NOP53: variants seen among roughly 807,000 people sequenced by gnomAD.
NOP53 encodes ribosome biogenesis protein NOP53.
A neutral mutation model predicts 61.0 loss-of-function variants in NOP53; 40 were observed. The observed-to-expected ratio is 0.66, with a 90% CI of 0.51 to 0.85. The LOEUF is 0.85. Ranked by LOEUF, NOP53 falls within the 40% of genes least tolerant of loss-of-function variation. The probability of loss-of-function intolerance (pLI) is 0.00; values close to 1 mark genes in which losing one functional copy is unlikely to be tolerated. For synonymous variants in NOP53, 308 were observed against 289.5 expected, an observed-to-expected ratio of 1.06 and a Z score of -0.65; for missense variants, 689 against 652.9, an observed-to-expected ratio of 1.06 and a Z score of -0.60.
At chr19:47,755,952 G>A (rs1967192261) in intron 10 of NOP53, 130 bp downstream of exon 10, 4 of 693,094 alleles carry the variant, frequency 5.8e-6, no homozygotes, top group Admixed American at 2.6e-5. Context: ...AATGCCCAGG[G>A]GCTGAGGGCA....
chr19:47,756,794 G>A (rs746434179), intron 12 of NOP53, 50 bp downstream of exon 12: 15 of 1,590,684 alleles, frequency 9.4e-6, no homozygotes, highest in Admixed American at 5.0e-5. Flanking sequence ...CTCCCACCCC[G>A]TGGTGCCCAC....
chr19:47,747,165 C>T, intron 2 of NOP53, 134 bp downstream of exon 2: 1 of 657,416 alleles, frequency 1.5e-6, no homozygotes, highest in East Asian at 3.0e-5. Flanking sequence ...TTAATATAAA[C>T]AAGGGGACCT....
In NOP53 at chr19:47,754,944, C is replaced by T. The variant is rs1967171470; in HGVS notation, c.1053+53C>T. 5.6e-6 allele frequency: 8 copies of T among 1,438,562 alleles called. No homozygotes were observed. Among genetic ancestry groups the T allele is most frequent in the Admixed American group, 2.9e-5 (1 of 34,994 alleles). The allele number at this position is 1,438,562 out of a possible 1,614,324, so 89.1% of individuals were successfully genotyped here. A position where few individuals can be genotyped will look rare whatever the true frequency, so the allele number is the denominator to read the frequency against. On this transcript the variant is annotated intron_variant, in intron 8 of 12. Transcript: ENST00000246802. This position sits in a 1 kb window ranked among gnomAD's most constrained non-coding sequence, Gnocchi z 4.2. ...CTCTGATGCCTCGCCCCCTTCCTTCCTTCCTCCCACCATGGGCTGCCCTGG... is the reference window on the plus strand; with the variant it reads ...CTCTGATGCCTCGCCCCCTTCCTTCTTTCCTCCCACCATGGGCTGCCCTGG...
At chr19:47,751,488 T>C in intron 4 of NOP53, 32 bp from the exon 5 acceptor site, 1 of 1,566,098 alleles carries the variant, frequency 6.4e-7, no homozygotes, top group Non-Finnish European at 8.8e-7. Flanking sequence ...ATGCTGGGAC[T>C]GTCCCAGCAG....
chr19:47,750,339 A>C, intron 3 of NOP53, 53 bp downstream of exon 3: 3 of 1,135,870 alleles, frequency 2.6e-6, no homozygotes, highest in Non-Finnish European at 4.0e-6. Context: ...TCTGGTCCTA[A>C]AGGGTTTCCG....
Position 47,752,504 on chromosome 19 carries a change from C to T in NOP53, c.670-8C>T, listed in dbSNP as rs1967136543. On this transcript the variant is annotated splice_region_variant and splice_polypyrimidine_tract_variant and intron_variant, in intron 5 of 12. Coordinates refer to ENST00000246802, the MANE Select transcript of NOP53 (RefSeq NM_015710.5). ...CGGCCTTACCCTGCCTCGGCCTTTT[C>T]TCCACAGCGGCCAGCACGCCTGCAC... 8 of 1,583,736 alleles carry T rather than the reference C, an allele frequency of 5.1e-6. No individual in the cohort carries two copies. The East Asian group carries it at 1.8e-4, about 35-fold the overall frequency.
At chr19:47,755,862 A>G in intron 10 of NOP53, 40 bp downstream of exon 10, 1 of 1,528,748 alleles carries the variant, frequency 6.5e-7, no homozygotes. Flanking sequence ...GTGCCCAGTG[A>G]TGACACCATC....
At position 47,752,682 on chromosome 19, in the gene NOP53, G is replaced by A. The variant is rs1967139654; in HGVS notation, c.765+75G>A. 5 of 939,320 alleles carry A rather than the reference G, an allele frequency of 5.3e-6. No individual in the cohort carries two copies. The East Asian group carries it at 7.3e-5, about 14-fold the overall frequency. 58.2% of individuals were successfully genotyped at this position (939,320 alleles called of 1,614,324 possible). A position where few individuals can be genotyped will look rare whatever the true frequency, so the allele number is the denominator to read the frequency against. Reference sequence around the variant, plus strand: ...TCAGGCCTTCACTAGCTTCCTCCCTGTGCTGGGAACTCCAATGACCCAGAC... The same window carrying A: ...TCAGGCCTTCACTAGCTTCCTCCCTATGCTGGGAACTCCAATGACCCAGAC... On this transcript the variant is annotated intron_variant, in intron 6 of 12. Transcript: ENST00000246802.
intron 3 of NOP53, 102 bp from the exon 4 acceptor site, chr19:47,750,806 G>A: frequency 1.1e-6 from 1 of 936,902 alleles, no homozygotes; most frequent in Non-Finnish European, 1.7e-6. Flanking sequence ...AGGGGGTGCT[G>A]AAGCTGCCTT....
At chr19:47,751,444 G>A (rs1342713356) in intron 4 of NOP53, 76 bp from the exon 5 acceptor site, 1 of 1,125,708 alleles carries the variant, frequency 8.9e-7, no homozygotes, top group African/African-American at 1.5e-5. Context: ...TTGAAATGTG[G>A]AGGGATTGGG....
intron 10 of NOP53, chr19:47,756,272 C>T (rs376532069): frequency 6.5e-5 from 37 of 571,004 alleles, no homozygotes; most frequent in East Asian, 1.7e-4. Flanking sequence ...CCTTTGCCCT[C>T]GCTGTCCCCT....
chr19:47,754,674 C>T lies in NOP53; in HGVS notation c.871-35C>T, dbSNP rs966872907. Reference sequence around the variant, plus strand: ...CCACTCCCTCCCCTCCCCGGGCCTCCTACCCACCCCTGACACTGCACCCCG... The same window carrying T: ...CCACTCCCTCCCCTCCCCGGGCCTCTTACCCACCCCTGACACTGCACCCCG... On this transcript the variant is annotated intron_variant, in intron 7 of 12. Coordinates refer to ENST00000246802, the MANE Select transcript of NOP53 (RefSeq NM_015710.5). This position sits in a 1 kb window ranked among gnomAD's most constrained non-coding sequence, Gnocchi z 4.2. 1 of 1,541,488 alleles carries T rather than the reference C, an allele frequency of 6.5e-7. No individual in the cohort carries two copies. Among genetic ancestry groups the T allele is most frequent in the Non-Finnish European group, 8.8e-7 (1 of 1,141,208 alleles).
In NOP53 at chr19:47,755,350, G is replaced by C; in HGVS notation, c.1056G>C (p.Arg352=). ...CTGACCCTCCCCCGTCTCCACAGCG[G>C]GTACAGCAGGCCGCGTTGCGGGCCG... The part of the protein sequence containing the change: ...RRREKAVHRL[R]VQQAALRAAR... The change falls in exon 9 of 13, where the codon CGG becomes CGC. Residue 352 remains arginine (R), a splice_region_variant and synonymous_variant. Coordinates refer to ENST00000246802, the MANE Select transcript of NOP53 (RefSeq NM_015710.5). 2 of 1,507,686 alleles carry C rather than the reference G, an allele frequency of 1.3e-6. No homozygotes were observed. The highest frequency in any genetic ancestry group is 1.8e-6 in the Non-Finnish European group (2 of 1,135,788). 93.4% of individuals were successfully genotyped at this position (1,507,686 alleles called of 1,614,324 possible). A position where few individuals can be genotyped will look rare whatever the true frequency, so the allele number is the denominator to read the frequency against.
chr19:47,751,698 G>T (rs755508211), intron 5 of NOP53, 108 bp downstream of exon 5: 20 of 857,734 alleles, frequency 2.3e-5, no homozygotes, highest in Non-Finnish European at 3.7e-5. Context: ...CATCCCAGTG[G>T]CCGAGAACTC....
intron 1 of NOP53, 32 bp downstream of exon 1, chr19:47,745,815 C>T (rs1186095855): frequency 7.6e-7 from 1 of 1,311,476 alleles, no homozygotes; most frequent in Non-Finnish European, 9.9e-7. Flanking sequence ...GGAGGTGGGA[C>T]GGTTCCTGCG....
At position 47,750,901 on chromosome 19, in the gene NOP53, C is replaced by T. The variant is rs377497217; in HGVS notation, c.399-7C>T. ...CTGCTGCACTTGTGCCCCCTCTCCC[C>T]GACCAGCGTCCTCGCCCACCAGGTC... On this transcript the variant is annotated splice_polypyrimidine_tract_variant and splice_region_variant and intron_variant, in intron 3 of 12. Coordinates refer to ENST00000246802, the MANE Select transcript of NOP53 (RefSeq NM_015710.5). 78 of 1,577,004 alleles carry T rather than the reference C, an allele frequency of 4.9e-5. No homozygotes were observed. The highest frequency in any genetic ancestry group is 1.4e-4 in the East Asian group (6 of 43,366).
intron 10 of NOP53, 177 bp from the exon 11 acceptor site, chr19:47,756,351 G>A (rs530636197): frequency 1.7e-6 from 1 of 602,280 alleles, no homozygotes; most frequent in South Asian, 2.0e-5. Context: ...CCATAGGTTG[G>A]TGGCTGTCAT....
Position 47,751,100 on chromosome 19 carries a change from C to A in NOP53, c.591C>A (p.Ala197=). 1 of 1,604,946 alleles carries A rather than the reference C, an allele frequency of 6.2e-7. No individual in the cohort carries two copies. Residue 197 remains alanine, a synonymous_variant, in exon 4 of 13, where the codon GCC becomes GCA. Transcript: ENST00000246802. ...AGCGGCCCTTCTACGACCTCTGGGCCTCAGACAGTGAGTGATCCTGCTGTC... is the reference window on the plus strand; with the variant it reads ...AGCGGCCCTTCTACGACCTCTGGGCATCAGACAGTGAGTGATCCTGCTGTC... ...TVERPFYDLW[A]SDNPLDRPLV...
chr19:47,755,671 C>T, intron 9 of NOP53, 85 bp from the exon 10 acceptor site: 2 of 1,388,350 alleles, frequency 1.4e-6, no homozygotes, highest in Non-Finnish European at 2.0e-6. Context: ...TCTCAGAGGC[C>T]CCTTCTTCTC....
Sources: allele counts gnomAD v4.1 joint callset, GRCh38; gene constraint gnomAD v4.1.1; non-coding constraint Gnocchi (gnomAD v3.1); transcripts MANE v1.5; gene names NCBI Gene and HGNC (gene_info 2026-07-23, HGNC 2026-07-21).